The following FNBP4 variants were observed in gnomAD, a reference collection of about 807,000 sequenced individuals.
The protein encoded by FNBP4 is formin binding protein 4.
In FNBP4, 34 loss-of-function variants were observed where a neutral mutation model predicts 119.3. The observed-to-expected ratio is 0.28, with a 90% confidence interval of 0.22 to 0.38. FNBP4 has a LOEUF of 0.38. FNBP4 is among the 10% of genes least tolerant of loss of function. FNBP4 has a pLI of 1.00. For missense variants in FNBP4, 1,112 were observed against 1,228.9 expected, an observed-to-expected ratio of 0.90 and a Z score of 1.42; for synonymous variants, 462 against 430.6, an observed-to-expected ratio of 1.07 and a Z score of -0.90.
At chr11:47,734,934 C>A (rs1599185305) in intron 9 of FNBP4, among the ~76,000 whole-genome samples, 1 of 150,950 alleles carries the variant, frequency 6.6e-6, no homozygotes, top group African/African-American at 2.4e-5. Flanking sequence ...GATTGTGCCA[C>A]TGCAATCCAG....
intron 2 of FNBP4, among the ~76,000 whole-genome samples, chr11:47,755,915 T>C (rs982909126): frequency 2.0e-5 from 3 of 152,224 alleles, no homozygotes; most frequent in Admixed American, 2.0e-4. Context: ...ATCTTGATTT[T>C]AGAATTTGGT....
intron 1 of FNBP4, 117 bp from the exon 2 acceptor site, chr11:47,765,479 C>T: frequency 1.5e-6 from 1 of 655,580 alleles, no homozygotes; most frequent in Non-Finnish European, 2.5e-6. Context: ...TTTGATTTAA[C>T]ATTTCAGCTC....
At chr11:47,754,881 G>A (rs1268069194) in intron 2 of FNBP4, among the ~76,000 whole-genome samples, 5 of 151,890 alleles carry the variant, frequency 3.3e-5, no homozygotes, top group African/African-American at 1.2e-4. Context: ...GTGGCTCAAC[G>A]CCTGTAATCC....
intron 12 of FNBP4, among the ~76,000 whole-genome samples, chr11:47,730,991 T>C (rs1287279127): frequency 3.3e-5 from 5 of 152,212 alleles, no homozygotes; most frequent in African/African-American, 1.2e-4. Flanking sequence ...ATGAACAGAC[T>C]AAGTGTTGTA....
chr11:47,729,278 C>T, intron 12 of FNBP4: 1 of 985,254 alleles, frequency 1.0e-6, no homozygotes, highest in Non-Finnish European at 1.2e-6. Flanking sequence ...ACAAATTGTT[C>T]CATGGAGATT....
chr11:47,726,359 C>A (rs1251770538), intron 12 of FNBP4: 1 of 151,330 alleles, frequency 6.6e-6, no homozygotes, highest in Non-Finnish European at 1.5e-5. Flanking sequence ...CTCAGCTTCC[C>A]GAATTGCTAG....
At chr11:47,754,245 G>C (rs1394443645) in intron 3 of FNBP4, among the ~76,000 whole-genome samples, 1 of 151,520 alleles carries the variant, frequency 6.6e-6, no homozygotes, top group African/African-American at 2.4e-5. Flanking sequence ...CAGGTGTGAT[G>C]GCTCACACCT....
chr11:47,753,755 C>T (rs1175908440), intron 3 of FNBP4, among the ~76,000 whole-genome samples: 1 of 151,854 alleles, frequency 6.6e-6, no homozygotes, highest in Non-Finnish European at 1.5e-5. Context: ...AACATCACGC[C>T]ACCACATTTC....
intron 7 of FNBP4, 113 bp downstream of exon 7, chr11:47,745,943 G>T: frequency 1.1e-6 from 1 of 917,946 alleles, no homozygotes; most frequent in Non-Finnish European, 1.6e-6. Flanking sequence ...AACATACCTA[G>T]ATGATGGGAT....
At chr11:47,747,422 G>A (rs2097592698) in intron 6 of FNBP4, among the ~76,000 whole-genome samples, 1 of 152,040 alleles carries the variant, frequency 6.6e-6, no homozygotes, top group South Asian at 2.1e-4. Context: ...TGGCCAGGCT[G>A]GTCTCGAACT....
chr11:47,766,438 C>A (rs1415669392), intron 1 of FNBP4, among the ~76,000 whole-genome samples: 1 of 152,194 alleles, frequency 6.6e-6, no homozygotes, highest in Non-Finnish European at 1.5e-5. Context: ...ACTGCTATTG[C>A]GGATTTTTTC....
rs1398599756 is a variant in FNBP4, at chr11:47,716,719, A to T, written c.*703T>A. ...TTTTATGGAGAATACATTCACATAA[A>T]GAAAGGAGGTGAATTTTGTTTTGGA... On this transcript the variant is annotated 3_prime_UTR_variant, in exon 17 of 17. Transcript: ENST00000263773. The T allele has an allele frequency of 6.6e-6, 1 of 152,664 alleles. No homozygotes were observed. The highest frequency in any genetic ancestry group is 2.4e-5 in the African/African-American group (1 of 41,458). 9.5% of individuals were successfully genotyped at this position (152,664 alleles called of 1,614,324 possible). A position where few individuals can be genotyped will look rare whatever the true frequency, so the allele number is the denominator to read the frequency against.
chr11:47,767,030 G>A, intron 1 of FNBP4, 39 bp downstream of exon 1: 2 of 1,513,190 alleles, frequency 1.3e-6, no homozygotes, highest in East Asian at 2.7e-5. Context: ...TAGGCCGCAA[G>A]CCCTGAGCTC....
chr11:47,735,034 C>T (rs2135127252), intron 9 of FNBP4, among the ~76,000 whole-genome samples: 1 of 134,454 alleles, frequency 7.4e-6, no homozygotes, highest in Non-Finnish European at 1.5e-5. Flanking sequence ...CTACAGTTAA[C>T]AATACCTGAA....
At chr11:47,758,771 A>C (rs971312303) in intron 2 of FNBP4, among the ~76,000 whole-genome samples, 1 of 150,128 alleles carries the variant, frequency 6.7e-6, no homozygotes, top group Non-Finnish European at 1.5e-5. Context: ...AGGCATGAGA[A>C]TTGCTTGAAC....
chr11:47,756,851 A>G (rs891974151), intron 2 of FNBP4, among the ~76,000 whole-genome samples: 7 of 152,228 alleles, frequency 4.6e-5, no homozygotes, highest in Admixed American at 2.0e-4. Flanking sequence ...AGCTTCATCC[A>G]TGTCCCTACA....
chr11:47,759,736 T>C lies in FNBP4; in HGVS notation c.314-5072A>G, dbSNP rs2097629008. On this transcript the variant is annotated intron_variant, in intron 2 of 16. Coordinates refer to ENST00000263773, the MANE Select transcript of FNBP4 (RefSeq NM_015308.5). ...GGGAGGCCAAGGCGGGTGGATCACCTGAGGTCAGGAGTTCAAGATTGGCTG... is the reference window on the plus strand; with the variant it reads ...GGGAGGCCAAGGCGGGTGGATCACCCGAGGTCAGGAGTTCAAGATTGGCTG... Among the ~76,000 whole-genome samples, 3 of 152,006 alleles carry C rather than the reference T, an allele frequency of 2.0e-5. No individual in the cohort carries two copies. The South Asian group carries it at 6.2e-4, about 32-fold the overall frequency.
rs553909932 is a variant in FNBP4 at position 47,733,770 on chromosome 11, C to T, written c.1686+255G>A. Among the ~76,000 whole-genome samples, 11 of 152,226 alleles carry T rather than the reference C, an allele frequency of 7.2e-5. No individual in the cohort carries two copies. The East Asian group carries it at 1.9e-3, about 27-fold the overall frequency. ...TTTAAACAGACTTATAATGCTTTAA[C>T]ACTTACAAAGTACCTTCAACATTAC... On this transcript the variant is annotated intron_variant, in intron 10 of 16. Transcript: ENST00000263773.
At position 47,767,227 on chromosome 11, in the gene FNBP4, C is replaced by A; in HGVS notation, c.62G>T (p.Gly21Val). The stretch of plus-strand genomic sequence containing the variant: ...CCGGCCCGGCGTGCTGCCCCGAGGA[C>A]CCGGCGGAGAGAGTTGCAGGATGGG... ...RRPILQLSPPGPRGSTPGRDP... is the reference protein window; with the variant it reads ...RRPILQLSPPVPRGSTPGRDP... Residue 21 changes from glycine to valine, a missense_variant, in exon 1 of 17, where the codon GGT (glycine) becomes GTT (valine). Coordinates refer to ENST00000263773, the MANE Select transcript of FNBP4 (RefSeq NM_015308.5). The A allele has an allele frequency of 6.4e-7, 1 of 1,570,016 alleles. No homozygotes were observed. Among genetic ancestry groups the A allele is most frequent in the Non-Finnish European group, 8.6e-7 (1 of 1,164,866 alleles).
Sources: gnomAD v4.1 joint callset for allele counts (sites outside exome capture counted in the v4.1 genomes callset) on GRCh38, gnomAD v4.1.1 for gene constraint, MANE v1.5 for transcripts, NCBI Gene and HGNC (gene_info 2026-07-23, HGNC 2026-07-21) for gene names.